USP15: variants seen among roughly 807,000 people sequenced by gnomAD.
USP15 encodes ubiquitin specific peptidase 15.
Under a neutral mutation model 127.1 loss-of-function variants are expected in USP15, and 18 were observed. The ratio of observed to expected loss-of-function variants is 0.14; its 90% CI spans 0.10 to 0.21. The LOEUF is 0.21. Among genes scored for constraint, USP15 ranks in the 10% least tolerant of loss-of-function variants. The probability of loss-of-function intolerance (pLI) is 1.00; values close to 1 mark genes in which losing one functional copy is unlikely to be tolerated. For missense variants in USP15, 805 were observed against 1,159.9 expected (o/e 0.69, Z 4.44); for synonymous variants, 364 against 393.7 (o/e 0.92, Z 0.89).
intron 8 of USP15, among the ~76,000 whole-genome samples, chr12:62,357,200 C>G (rs571640551): frequency 6.6e-6 from 1 of 152,190 alleles, no homozygotes; most frequent in South Asian, 2.1e-4. Flanking sequence ...CTTGGGCCAG[C>G]ATTCAGACTA....
chr12:62,345,322 A>G (rs529988641), intron 6 of USP15, among the ~76,000 whole-genome samples: 3 of 142,708 alleles, frequency 2.1e-5, no homozygotes, highest in Non-Finnish European at 4.6e-5. Context: ...TTGCTAAAAC[A>G]TAACAAGAGT....
At chr12:62,269,413 A>T (rs1318687447) in intron 1 of USP15, among the ~76,000 whole-genome samples, 1 of 151,828 alleles carries the variant, frequency 6.6e-6, no homozygotes, top group Non-Finnish European at 1.5e-5. Context: ...TAAAAATACA[A>T]TATTATGATC....
chr12:62,401,106 A>T (rs2067673390), intron 20 of USP15, 81 bp from the exon 21 acceptor site: 1 of 847,468 alleles, frequency 1.2e-6, no homozygotes, highest in Admixed American at 2.3e-5. Context: ...GATATTCCTT[A>T]TATAGATGAT....
At chr12:62,354,306 A>G (rs1049601562) in intron 7 of USP15, among the ~76,000 whole-genome samples, 8 of 152,004 alleles carry the variant, frequency 5.3e-5, no homozygotes, top group Non-Finnish European at 8.8e-5. Context: ...GGAATAAATT[A>G]TAGCCAGTTG....
intron 20 of USP15, among the ~76,000 whole-genome samples, chr12:62,399,379 A>T (rs1218965289): frequency 6.6e-6 from 1 of 152,212 alleles, no homozygotes; most frequent in East Asian, 1.9e-4. Flanking sequence ...ACCAGAGTTC[A>T]TGGGGTACAG....
chr12:62,266,323 G>C (rs1467255123), intron 1 of USP15, among the ~76,000 whole-genome samples: 1 of 152,082 alleles, frequency 6.6e-6, no homozygotes, highest in Non-Finnish European at 1.5e-5. Context: ...TTTACTATAA[G>C]CCACAAATAC....
At chr12:62,269,446 T>A (rs1592454981) in intron 1 of USP15, among the ~76,000 whole-genome samples, 1 of 151,864 alleles carries the variant, frequency 6.6e-6, no homozygotes, top group Non-Finnish European at 1.5e-5. Context: ...AGAGACAGGG[T>A]CTGGCTCTGT....
In USP15 at chr12:62,281,530, G is replaced by A. The variant is rs574396323; in HGVS notation, c.90-12649G>A. Reference sequence around the variant, plus strand: ...ATTTTTGTATTTTTAGTGGAGACGGGGTTTCAACATGTGGGCCAGGCTGGT... The same window carrying A: ...ATTTTTGTATTTTTAGTGGAGACGGAGTTTCAACATGTGGGCCAGGCTGGT... On this transcript the variant is annotated intron_variant, in intron 1 of 21. Transcript: ENST00000280377. 1.8e-3 allele frequency among the ~76,000 whole-genome samples: 267 copies of A among 152,136 alleles called. 4 individuals carry two copies. The highest frequency in any genetic ancestry group is 3.4e-3 in the Middle Eastern group (1 of 294).
chr12:62,364,239 C>G (rs1427595138), intron 8 of USP15, among the ~76,000 whole-genome samples: 1 of 152,166 alleles, frequency 6.6e-6, no homozygotes, highest in Non-Finnish European at 1.5e-5. Context: ...CAAGCAATGT[C>G]TAGATTCTCT....
intron 14 of USP15, among the ~76,000 whole-genome samples, chr12:62,390,335 CAA>C (rs2067283428): frequency 6.6e-6 from 1 of 152,068 alleles, no homozygotes; most frequent in African/African-American, 2.4e-5. Flanking sequence ...TGTGAAATAA[CAA>C]ATGTCAAATG....
intron 1 of USP15, among the ~76,000 whole-genome samples, chr12:62,273,550 A>G (rs760394800): frequency 6.6e-5 from 10 of 152,116 alleles, no homozygotes; most frequent in Admixed American, 1.3e-4. Context: ...TGCTTTTTCT[A>G]TAGTAAATTT....
rs1013694248 is a variant in USP15, at chr12:62,326,935, G to T, written c.683+1002G>T. ...TCAAGAGGTCAGGAGTTTAAGACCA[G>T]CCTGGCCAACATGGTGAAACCCCAT... On this transcript the variant is annotated intron_variant, in intron 6 of 21. Transcript: ENST00000280377. Among the ~76,000 whole-genome samples, 4 of 152,128 alleles carry T rather than the reference G, an allele frequency of 2.6e-5. No individual in the cohort carries two copies. In the South Asian group the frequency reaches 8.3e-4, roughly 32 times the overall value.
chr12:62,326,248 TA>T (rs2065118119), intron 6 of USP15, among the ~76,000 whole-genome samples: 1 of 152,206 alleles, frequency 6.6e-6, no homozygotes, highest in Non-Finnish European at 1.5e-5. Flanking sequence ...TCGTGGTTTT[TA>T]AAAGTATCTT....
At chr12:62,393,334 G>T in intron 19 of USP15, 132 bp downstream of exon 19, 2 of 1,032,156 alleles carry the variant, frequency 1.9e-6, no homozygotes, top group Non-Finnish European at 2.7e-6. Context: ...TTGTTTTTGA[G>T]TAGTTCTAAC....
Position 62,404,245 on chromosome 12 carries a change from C to T in USP15, c.2816C>T (p.Thr939Ile). The change falls in exon 22 of 22, where the codon ACT becomes ATT. Residue 939 changes from threonine to isoleucine, a missense_variant. Thr to Ile is a moderately conservative substitution (Grantham distance 89). Coordinates refer to ENST00000280377, the MANE Select transcript of USP15 (RefSeq NM_001252078.2). ...CAGAGACAAGACACTTTCAGTGGAA[C>T]TGGCTTTTTTCCTCTTGACCGAGAA... ...FYQRQDTFSG[T>I]GFFPLDRETK... The T allele has an allele frequency of 6.2e-7, 1 of 1,613,328 alleles. No homozygotes were observed. The highest frequency in any genetic ancestry group is 1.3e-5 in the African/African-American group (1 of 75,012).
intron 8 of USP15, among the ~76,000 whole-genome samples, chr12:62,369,439 T>TA (rs766751641): frequency 2.0e-5 from 3 of 151,714 alleles, no homozygotes; most frequent in Non-Finnish European, 2.9e-5. Context: ...AATAAAAACA[T>TA]ATTGGAATCC....
intron 1 of USP15, among the ~76,000 whole-genome samples, chr12:62,283,985 G>A: frequency 6.6e-6 from 1 of 152,050 alleles, no homozygotes; most frequent in South Asian, 2.1e-4. Context: ...TCAACTACAA[G>A]CAGTTATAGA....
At chr12:62,317,179 GTCT>G (rs1245398999) in intron 4 of USP15, among the ~76,000 whole-genome samples, 1 of 152,114 alleles carries the variant, frequency 6.6e-6, no homozygotes, top group African/African-American at 2.4e-5. Context: ...GGTAGAATGA[GTCT>G]TCTTCTTAAG....
intron 1 of USP15, among the ~76,000 whole-genome samples, chr12:62,293,362 T>G (rs745958553): frequency 1.8e-4 from 27 of 152,124 alleles, no homozygotes; most frequent in Non-Finnish European, 2.9e-4. Context: ...GTTTGTAATT[T>G]TGGTTCTTTT....
Sources: gnomAD v4.1 joint callset for allele counts (sites outside exome capture counted in the v4.1 genomes callset) on GRCh38, gnomAD v4.1.1 for gene constraint, MANE v1.5 for transcripts, NCBI Gene and HGNC (gene_info 2026-07-23, HGNC 2026-07-21) for gene names.